PACRG: variants seen among roughly 807,000 people sequenced by gnomAD.
The protein encoded by PACRG is parkin coregulated.
Under a neutral mutation model 29.7 loss-of-function variants are expected in PACRG, and 29 were observed. The ratio of observed to expected loss-of-function variants is 0.98; its 90% CI spans 0.73 to 1.33. The LOEUF is 1.33. Among genes scored for constraint, PACRG ranks in the 40% most tolerant of loss-of-function variants. PACRG has a pLI of 0.00. For missense variants in PACRG, 279 were observed against 316.2 expected (o/e 0.88, Z 0.89); for synonymous variants, 116 against 118.7 (o/e 0.98, Z 0.15).
At chr6:162,815,146 T>G (rs1441564943) in intron 2 of PACRG, among the ~76,000 whole-genome samples, 1 of 152,192 alleles carries the variant, frequency 6.6e-6, no homozygotes, top group African/African-American at 2.4e-5. Context: ...TGCACACTTA[T>G]GAGTATCACA....
chr6:162,870,105 G>T (rs1261232910), intron 2 of PACRG, among the ~76,000 whole-genome samples: 1 of 152,112 alleles, frequency 6.6e-6, no homozygotes, highest in Non-Finnish European at 1.5e-5. Flanking sequence ...GCCCCTCCTG[G>T]GTTTGGTACC....
At chr6:162,809,105 G>T (rs1786610107) in intron 1 of PACRG, among the ~76,000 whole-genome samples, 1 of 151,790 alleles carries the variant, frequency 6.6e-6, no homozygotes, top group Non-Finnish European at 1.5e-5. Flanking sequence ...TAAAGCTTAG[G>T]TGGTTACACA....
intron 4 of PACRG, among the ~76,000 whole-genome samples, chr6:163,242,054 C>T (rs1424674820): frequency 2.7e-5 from 4 of 148,598 alleles, no homozygotes; most frequent in African/African-American, 9.9e-5. Context: ...TGAGGCAAAG[C>T]TCTTTAAAAG....
At chr6:163,177,709 G>GTTTTTTTTTTTTTTTT (rs1562951194) in intron 4 of PACRG, among the ~76,000 whole-genome samples, 1 of 33,646 alleles carries the variant, frequency 3.0e-5, no homozygotes, top group Non-Finnish European at 6.5e-5. Context: ...TTAGAAAAGG[G>GTTTTTTTTTTTTTTTT]ATTTTTTTTT....
At chr6:162,811,973 G>C (rs977895892) in intron 1 of PACRG, among the ~76,000 whole-genome samples, 1 of 152,132 alleles carries the variant, frequency 6.6e-6, no homozygotes, top group Non-Finnish European at 1.5e-5. Flanking sequence ...TGATTCTACA[G>C]AGATTTATGT....
At chr6:163,058,228 G>A (rs957405198) in intron 2 of PACRG, among the ~76,000 whole-genome samples, 6 of 152,168 alleles carry the variant, frequency 3.9e-5, no homozygotes, top group South Asian at 2.1e-4. Context: ...GCAGGATTAC[G>A]TACATCCACC....
At chr6:162,795,308 C>G (rs755016175) in intron 1 of PACRG, among the ~76,000 whole-genome samples, 30 of 151,974 alleles carry the variant, frequency 2.0e-4, no homozygotes, top group Admixed American at 5.2e-4. Flanking sequence ...TTTCTTTTTT[C>G]TTTTCATTGA....
intron 4 of PACRG, among the ~76,000 whole-genome samples, chr6:163,278,844 A>T (rs1459654612): frequency 6.6e-6 from 1 of 151,990 alleles, no homozygotes; most frequent in African/African-American, 2.4e-5. Context: ...TATGAATTTT[A>T]GTATTGTTTT....
intron 4 of PACRG, chr6:163,179,136 C>T (rs770239395): frequency 1.3e-4 from 59 of 448,680 alleles, no homozygotes; most frequent in Non-Finnish European, 2.1e-4. Flanking sequence ...GGGCATGGAC[C>T]GTGGTTTTAT....
chr6:163,272,725 T>TA (rs1271939805), intron 4 of PACRG, among the ~76,000 whole-genome samples: 1 of 152,138 alleles, frequency 6.6e-6, no homozygotes, highest in Non-Finnish European at 1.5e-5. Context: ...ATTTTGTTTT[T>TA]ATCAATGGTG....
chr6:162,828,062 T>G (rs1378801818), intron 2 of PACRG, among the ~76,000 whole-genome samples: 2 of 152,194 alleles, frequency 1.3e-5, no homozygotes, highest in East Asian at 3.9e-4. Flanking sequence ...TTAAGGCTGA[T>G]GTTTCAAATG....
At chr6:163,033,886 A>C (rs1455910386) in intron 2 of PACRG, among the ~76,000 whole-genome samples, 4 of 152,214 alleles carry the variant, frequency 2.6e-5, no homozygotes, top group Non-Finnish European at 4.4e-5. Flanking sequence ...GCAGTCTTAC[A>C]GGTGTCCTAA....
At chr6:163,294,177 T>C (rs1179968100) in intron 4 of PACRG, among the ~76,000 whole-genome samples, 2 of 152,302 alleles carry the variant, frequency 1.3e-5, no homozygotes, top group African/African-American at 4.8e-5. Flanking sequence ...ATATTTTTCA[T>C]AAAACATTAA....
intron 4 of PACRG, among the ~76,000 whole-genome samples, chr6:163,196,322 C>A (rs893206455): frequency 5.9e-5 from 9 of 152,176 alleles, no homozygotes; most frequent in Admixed American, 1.3e-4. Flanking sequence ...CAACCACGAC[C>A]CAAATGTTAA....
chr6:163,155,284 GC>G (rs1778267038), intron 4 of PACRG, among the ~76,000 whole-genome samples: 1 of 152,228 alleles, frequency 6.6e-6, no homozygotes. Flanking sequence ...TACAGATGAG[GC>G]CAGTGAAGAG....
At chr6:163,051,016 C>T (rs112135520) in intron 2 of PACRG, among the ~76,000 whole-genome samples, 13 of 152,282 alleles carry the variant, frequency 8.5e-5, no homozygotes, top group Middle Eastern at 6.8e-3. Context: ...GGACTCCCTG[C>T]GATCTTTTCC....
intron 1 of PACRG, among the ~76,000 whole-genome samples, chr6:162,766,399 T>A (rs954804536): frequency 6.6e-6 from 1 of 152,124 alleles, no homozygotes; most frequent in African/African-American, 2.4e-5. Context: ...TTCCTGTTTA[T>A]TTTAAAAATG....
chr6:163,186,564 C>T (rs911598762), intron 4 of PACRG, among the ~76,000 whole-genome samples: 1 of 152,142 alleles, frequency 6.6e-6, no homozygotes, highest in South Asian at 2.1e-4. Flanking sequence ...TAGATTCTTA[C>T]TAAGAGTTGG....
At chr6:162,775,019 C>G (rs1783533506) in intron 1 of PACRG, among the ~76,000 whole-genome samples, 1 of 152,090 alleles carries the variant, frequency 6.6e-6, no homozygotes. Flanking sequence ...ATCCTAACCC[C>G]CAAGGCAATG....
Sources: gnomAD v4.1 joint callset for allele counts (sites outside exome capture counted in the v4.1 genomes callset) on GRCh38, gnomAD v4.1.1 for gene constraint, MANE v1.5 for transcripts, NCBI Gene and HGNC (gene_info 2026-07-23, HGNC 2026-07-21) for gene names.